The following PDE8B variants were observed in gnomAD, a reference collection of about 807,000 sequenced individuals.
The protein encoded by PDE8B is high affinity cAMP-specific and IBMX-insensitive 3',5'-cyclic phosphodiesterase 8B.
PDE8B carries 26 observed loss-of-function variants against 101.3 expected under a neutral mutation model. The ratio of observed to expected loss-of-function variants is 0.26; its 90% confidence interval spans 0.19 to 0.36. The LOEUF is 0.36. Among genes scored for constraint, PDE8B ranks in the 10% least tolerant of loss-of-function variants. The probability of loss-of-function intolerance (pLI) is 1.00; values close to 1 mark genes in which losing one functional copy is unlikely to be tolerated. For missense variants in PDE8B, 810 were observed against 1,163.1 expected (o/e 0.70, Z 4.42); for synonymous variants, 424 against 429.3 (o/e 0.99, Z 0.15).
chr5:77,375,549 G>T (rs1251163259), intron 10 of PDE8B, among the ~76,000 whole-genome samples: 2 of 152,146 alleles, frequency 1.3e-5, no homozygotes, highest in Non-Finnish European at 2.9e-5. Flanking sequence ...TAGGTCCCAT[G>T]GCTGCATTTG....
rs71594634 is a variant in PDE8B at position 77,423,632 on chromosome 5, G to GTTTTTTTTTTTTTTTTTTT, written c.2418+1653_2418+1671dup. 9.3e-4 allele frequency among the ~76,000 whole-genome samples: 69 copies of GTTTTTTTTTTTTTTTTTTT among 74,042 alleles called. 11 individuals carry two copies. The highest frequency in any genetic ancestry group is 1.4e-3 in the Non-Finnish European group (53 of 38,408). 48.6% of individuals were successfully genotyped at this position (74,042 alleles called of 152,430 possible). ...TGATGCTGGACTTTTGTTTTGTTTA[G>GTTTTTTTTTTTTTTTTTTT]TTTTTTTTTTTTTTTTTTTTTTTTT... On this transcript the variant is annotated intron_variant, in intron 20 of 21. Coordinates refer to ENST00000264917, the MANE Select transcript of PDE8B (RefSeq NM_003719.5).
At chr5:77,105,068 A>G in the PDE8B span, 1 of 152,228 alleles carries the variant, frequency 6.6e-6, no homozygotes. Flanking sequence ...ACTTTCATGT[A>G]TCATAATGCT....
the PDE8B span, chr5:77,118,517 G>A: frequency 2.5e-6 from 1 of 397,358 alleles, no homozygotes; most frequent in Non-Finnish European, 4.4e-6. Context: ...TATGAAACCT[G>A]TGAGGTATGA....
At chr5:77,402,260 AAT>A (rs1031952310) in intron 11 of PDE8B, among the ~76,000 whole-genome samples, 2 of 151,446 alleles carry the variant, frequency 1.3e-5, no homozygotes, top group East Asian at 1.9e-4. Context: ...TAATTGTAAA[AAT>A]ATATATATAT....
At chr5:77,303,389 A>C (rs777121643) in intron 1 of PDE8B, among the ~76,000 whole-genome samples, 5 of 152,106 alleles carry the variant, frequency 3.3e-5, no homozygotes, top group Non-Finnish European at 7.3e-5. Flanking sequence ...AAATACAAAA[A>C]ATTAGCAGGG....
chr5:77,392,394 G>C (rs1170927802), intron 10 of PDE8B, among the ~76,000 whole-genome samples: 1 of 152,142 alleles, frequency 6.6e-6, no homozygotes, highest in Non-Finnish European at 1.5e-5. Context: ...TGTGTCTCTG[G>C]CAGCAGTGAG....
chr5:77,426,740 AAT>A lies in PDE8B; in HGVS notation c.*191_*192del, dbSNP rs1798211380. On this transcript the variant is annotated 3_prime_UTR_variant, in exon 22 of 22. Coordinates refer to ENST00000264917, the MANE Select transcript of PDE8B (RefSeq NM_003719.5). ...TAGAAAGTTATGTTCCATGAAGAAAAATATATGTTCTTTTGAATACTTAATGA... is the reference window on the plus strand; with the variant it reads ...TAGAAAGTTATGTTCCATGAAGAAAAATATGTTCTTTTGAATACTTAATGA... The A allele has an allele frequency of 8.1e-6, 5 of 618,706 alleles. No individual in the cohort carries two copies. Among genetic ancestry groups the A allele is most frequent in the East Asian group, 2.9e-5 (1 of 34,936 alleles). 38.3% of individuals were successfully genotyped at this position (618,706 alleles called of 1,614,324 possible).
chr5:77,424,808 T>G (rs904969066), intron 20 of PDE8B, among the ~76,000 whole-genome samples: 1 of 136,738 alleles, frequency 7.3e-6, no homozygotes, highest in Admixed American at 7.8e-5. Flanking sequence ...TGAAACTGGT[T>G]CTGTTTTTTT....
At chr5:77,130,812 A>G in the PDE8B span, among the ~76,000 whole-genome samples, 1 of 152,184 alleles carries the variant, frequency 6.6e-6, no homozygotes, top group South Asian at 2.1e-4. Context: ...ATTTTGAAAT[A>G]ATTTTAGGTT....
At chr5:77,359,125 G>T (rs1382550895) in intron 10 of PDE8B, among the ~76,000 whole-genome samples, 2 of 152,268 alleles carry the variant, frequency 1.3e-5, no homozygotes, top group Non-Finnish European at 2.9e-5. Flanking sequence ...ATAAGCAGGG[G>T]CTTGCAGCCG....
At chr5:77,284,366 C>G (rs1360090032) in intron 1 of PDE8B, among the ~76,000 whole-genome samples, 5 of 152,116 alleles carry the variant, frequency 3.3e-5, no homozygotes, top group African/African-American at 7.2e-5. Context: ...CATGGTCATG[C>G]CTTTGGTGTC....
chr5:77,143,769 G>C, the PDE8B span: 1 of 151,826 alleles, frequency 6.6e-6, no homozygotes, highest in Admixed American at 6.6e-5. Flanking sequence ...AGGGGATTTA[G>C]GCTAGTCAGA....
intron 1 of PDE8B, among the ~76,000 whole-genome samples, chr5:77,233,654 CTG>C (rs72346580): frequency 0.2 from 27,572 of 137,776 alleles, 2,652 homozygotes; most frequent in Non-Finnish European, 0.24. Flanking sequence ...CCCTGAAGCT[CTG>C]TGTGTGTGTG....
chr5:77,189,431 A>G, the PDE8B span, among the ~76,000 whole-genome samples: 2 of 152,186 alleles, frequency 1.3e-5, no homozygotes, highest in Non-Finnish European at 2.9e-5. Flanking sequence ...AGCAGGAAAG[A>G]GCAATAATAA....
chr5:77,176,349 G>A, the PDE8B span, among the ~76,000 whole-genome samples: 1 of 152,276 alleles, frequency 6.6e-6, no homozygotes, highest in East Asian at 1.9e-4. Flanking sequence ...GATCAACAGA[G>A]TCTTATGAAG....
rs1415908128 is a variant in PDE8B at position 77,211,955 on chromosome 5, C to T, written c.339+691C>T. 6.6e-6 allele frequency among the ~76,000 whole-genome samples: 1 copy of T among 152,122 alleles called. No homozygotes were observed. Among genetic ancestry groups the T allele is most frequent in the Non-Finnish European group, 1.5e-5 (1 of 68,020 alleles). On this transcript the variant is annotated intron_variant, in intron 1 of 21. Transcript: ENST00000264917. The surrounding 1 kb of genome is among the most constrained non-coding windows in gnomAD (Gnocchi z 4.1). ...CCGTGAGGGGACGTGGTTTCCAGTG[C>T]AGTACAGCTGTCTGAGGATGATTCT...
At chr5:77,296,301 AC>A (rs1170623193) in intron 1 of PDE8B, among the ~76,000 whole-genome samples, 2 of 149,494 alleles carry the variant, frequency 1.3e-5, no homozygotes, top group African/African-American at 4.9e-5. Context: ...TCACTCTGTC[AC>A]CCAGGCTGGA....
chr5:77,234,002 G>A (rs1343505200), intron 1 of PDE8B, among the ~76,000 whole-genome samples: 2 of 151,998 alleles, frequency 1.3e-5, no homozygotes, highest in Non-Finnish European at 2.9e-5. Flanking sequence ...ATGGATAAAA[G>A]AAGGCGCCTA....
intron 20 of PDE8B, 115 bp downstream of exon 20, chr5:77,422,103 T>C (rs1289135262): frequency 8.7e-7 from 1 of 1,144,866 alleles, no homozygotes; most frequent in Non-Finnish European, 1.3e-6. Context: ...TAACCACTCC[T>C]CCCTGGAAGA....
Sources: allele counts gnomAD v4.1 joint callset (sites outside exome capture counted in the v4.1 genomes callset), GRCh38; gene constraint gnomAD v4.1.1; non-coding constraint Gnocchi (gnomAD v3.1); transcripts MANE v1.5; gene names NCBI Gene and HGNC (gene_info 2026-07-23, HGNC 2026-07-21).